GLIS3: variants seen among roughly 807,000 people sequenced by gnomAD.
GLIS3 encodes the protein zinc finger protein GLIS3.
A neutral mutation model predicts 78.6 loss-of-function variants in GLIS3; 53 were observed. The observed-to-expected ratio is 0.67, with a 90% CI of 0.54 to 0.85. GLIS3 has a LOEUF of 0.85. Ranked by LOEUF, GLIS3 falls within the 40% of genes least tolerant of loss-of-function variation. The pLI is 0.00. For synonymous variants in GLIS3, 684 were observed against 509.9 expected, an observed-to-expected ratio of 1.34 and a Z score of -4.60; for missense variants, 1,703 against 1,231.1, an observed-to-expected ratio of 1.38 and a Z score of -5.74.
In GLIS3 at chr9:3,843,986, A is replaced by G. The variant is rs76062221; in HGVS notation, c.2473+12023T>C. Among the ~76,000 whole-genome samples the G allele has an allele frequency of 1.9e-4, 29 of 152,348 alleles. No individual in the cohort carries two copies. In the East Asian group the frequency reaches 5.2e-3, roughly 27 times the overall value. On this transcript the variant is annotated intron_variant, in intron 9 of 10. Coordinates refer to ENST00000381971, the MANE Select transcript of GLIS3 (RefSeq NM_001042413.2). ...CTCAAAGACCTCACGAAAGAATGAC[A>G]TAAAGAGTTTAGTCTGAACAATCTG...
intron 4 of GLIS3, among the ~76,000 whole-genome samples, chr9:3,942,430 G>A (rs889181609): frequency 6.6e-6 from 1 of 152,140 alleles, no homozygotes; most frequent in African/African-American, 2.4e-5. Context: ...ATGGGCGGGA[G>A]GATCAGCAAA....
At chr9:3,950,998 A>G (rs1816645158) in intron 4 of GLIS3, among the ~76,000 whole-genome samples, 1 of 152,228 alleles carries the variant, frequency 6.6e-6, no homozygotes. Context: ...AAACTTACAG[A>G]ACAGACCCTC....
intron 4 of GLIS3, among the ~76,000 whole-genome samples, chr9:4,083,907 A>T (rs1157073016): frequency 3.3e-5 from 5 of 152,202 alleles, no homozygotes; most frequent in African/African-American, 1.2e-4. Context: ...AAGCCAACGC[A>T]TGTAGAAATC....
the GLIS3 span, among the ~76,000 whole-genome samples, chr9:4,484,514 G>A: frequency 3.6e-5 from 5 of 140,748 alleles, no homozygotes; most frequent in African/African-American, 5.4e-5. Context: ...TGCCTCTCGA[G>A]TTCAAGCAAT....
At position 4,313,882 on chromosome 9, in the gene GLIS3, A is replaced by G. The variant is rs550222215; in HGVS notation, n.265-3354T>C. On this transcript the variant is annotated intron_variant and non_coding_transcript_variant, in intron 2 of 4. Transcript: ENST00000471664. ...GGTCTTTTACACCTCTATCTGATTT[A>G]CAAGGTCTTACACAGGCTTGGGCCT... Among the ~76,000 whole-genome samples the G allele has an allele frequency of 2.6e-5, 4 of 152,366 alleles. No individual in the cohort carries two copies. The South Asian group carries it at 8.3e-4, about 32-fold the overall frequency.
intron 4 of GLIS3, among the ~76,000 whole-genome samples, chr9:4,040,291 A>C (rs1419191347): frequency 6.7e-6 from 1 of 149,108 alleles, no homozygotes; most frequent in African/African-American, 2.4e-5. Context: ...CAAGGTAAAA[A>C]AAACAAAAAA....
intron 4 of GLIS3, among the ~76,000 whole-genome samples, chr9:4,004,404 A>G (rs1348117310): frequency 6.6e-6 from 1 of 152,162 alleles, no homozygotes; most frequent in East Asian, 1.9e-4. Context: ...TCCCTCTACA[A>G]ATACCAAAAA....
At chr9:4,190,313 T>C (rs1336789847) in intron 2 of GLIS3, among the ~76,000 whole-genome samples, 1 of 152,094 alleles carries the variant, frequency 6.6e-6, no homozygotes, top group Non-Finnish European at 1.5e-5. Context: ...ATAACTAGAA[T>C]AACCAATATA....
intron 4 of GLIS3, among the ~76,000 whole-genome samples, chr9:3,982,971 G>T (rs541883004): frequency 2.6e-5 from 4 of 152,212 alleles, no homozygotes; most frequent in African/African-American, 9.6e-5. Flanking sequence ...ATTGATTGAG[G>T]GTCTCTTGGC....
rs530088951 is a variant in GLIS3, at chr9:4,035,462, C to T, written c.1710+82306G>A. ...TCGTATTCCACCTTCTATCTCTCTC[C>T]TACTTAAATTTCCACATCTGGCCAC... On this transcript the variant is annotated intron_variant, in intron 4 of 10. Transcript: ENST00000381971. 1.3e-4 allele frequency among the ~76,000 whole-genome samples: 20 copies of T among 151,644 alleles called. No individual in the cohort carries two copies. In the South Asian group the frequency reaches 4.0e-3, roughly 30 times the overall value.
chr9:4,369,746 A>G, the GLIS3 span, among the ~76,000 whole-genome samples: 2 of 152,214 alleles, frequency 1.3e-5, no homozygotes, highest in Non-Finnish European at 2.9e-5. Context: ...CAGAATCCCA[A>G]AGGACCTTGA....
At chr9:4,262,987 C>A (rs149966801) in intron 2 of GLIS3, among the ~76,000 whole-genome samples, 1 of 150,632 alleles carries the variant, frequency 6.6e-6, no homozygotes, top group East Asian at 1.9e-4. Flanking sequence ...TTCACTGTGG[C>A]ACCCCAGGGT....
intron 9 of GLIS3, among the ~76,000 whole-genome samples, chr9:3,835,192 C>T (rs957457986): frequency 6.6e-6 from 1 of 152,180 alleles, no homozygotes; most frequent in Non-Finnish European, 1.5e-5. Flanking sequence ...GGGGAACCAC[C>T]ACCAAACTGT....
At chr9:4,151,791 A>AT (rs1834700723) in intron 2 of GLIS3, among the ~76,000 whole-genome samples, 2 of 152,182 alleles carry the variant, frequency 1.3e-5, no homozygotes, top group African/African-American at 4.8e-5. Flanking sequence ...GTAATGAAGC[A>AT]TAATAATCAT....
chr9:4,093,141 A>G (rs1390738123), intron 4 of GLIS3, among the ~76,000 whole-genome samples: 1 of 152,192 alleles, frequency 6.6e-6, no homozygotes, highest in Non-Finnish European at 1.5e-5. Context: ...GAGAAAAATG[A>G]GGTACTAAGT....
At chr9:4,231,588 GA>G in intron 2 of GLIS3, among the ~76,000 whole-genome samples, 1 of 152,138 alleles carries the variant, frequency 6.6e-6, no homozygotes, top group East Asian at 1.9e-4. Flanking sequence ...AAAAACATCA[GA>G]ATAAAGCAAA....
intron 2 of GLIS3, among the ~76,000 whole-genome samples, chr9:4,222,596 T>A (rs1302680136): frequency 1.3e-5 from 2 of 152,226 alleles, no homozygotes; most frequent in African/African-American, 4.8e-5. Flanking sequence ...ACAGTGTCAT[T>A]ATCTAATGTC....
Position 3,832,012 on chromosome 9 carries a change from C to T in GLIS3, c.2474-2520G>A, listed in dbSNP as rs1474753642. On this transcript the variant is annotated intron_variant, in intron 9 of 10. Coordinates refer to ENST00000381971, the MANE Select transcript of GLIS3 (RefSeq NM_001042413.2). ...TTTTAGCAATAGTGAAGAGCAAGTACTCTGGATCCTGGGGTTCAAATCCTA... is the reference window on the plus strand; with the variant it reads ...TTTTAGCAATAGTGAAGAGCAAGTATTCTGGATCCTGGGGTTCAAATCCTA... Among the ~76,000 whole-genome samples, 3 of 151,596 alleles carry T rather than the reference C, an allele frequency of 2.0e-5. No individual in the cohort carries two copies. The East Asian group carries it at 5.8e-4, about 29-fold the overall frequency.
At chr9:3,847,205 ATACAT>A (rs1354693565) in intron 9 of GLIS3, among the ~76,000 whole-genome samples, 2 of 121,288 alleles carry the variant, frequency 1.6e-5, no homozygotes, top group Non-Finnish European at 3.7e-5. Flanking sequence ...AATTAAATAA[ATACAT>A]AAATAAAAAA....
Sources: gnomAD v4.1 joint callset for allele counts (sites outside exome capture counted in the v4.1 genomes callset) on GRCh38, gnomAD v4.1.1 for gene constraint, MANE v1.5 for transcripts, NCBI Gene and HGNC (gene_info 2026-07-23, HGNC 2026-07-21) for gene names.